AEBP2: variants seen among roughly 807,000 people sequenced by gnomAD.
The protein encoded by AEBP2 is AE binding protein 2, also known as zinc finger protein AEBP2.
AEBP2 carries 10 observed loss-of-function variants against 50.8 expected under a neutral mutation model. The ratio of observed to expected loss-of-function variants is 0.20; its 90% CI spans 0.12 to 0.33. The LOEUF (loss-of-function observed/expected upper bound fraction) is 0.33, where lower values mean the gene tolerates loss of function less well. Ranked by LOEUF, AEBP2 falls within the 10% of genes least tolerant of loss-of-function variation. AEBP2 has a pLI of 1.00. For missense variants in AEBP2, 570 were observed against 688.0 expected, an observed-to-expected ratio of 0.83 and a Z score of 1.92; for synonymous variants, 296 against 261.3, an observed-to-expected ratio of 1.13 and a Z score of -1.28.
chr12:19,510,372 G>A (rs985615056), intron 5 of AEBP2, among the ~76,000 whole-genome samples: 8 of 152,128 alleles, frequency 5.3e-5, no homozygotes, highest in African/African-American at 7.2e-5. Context: ...GAGGGGCAAC[G>A]CAGAAAAGGT....
intron 3 of AEBP2, among the ~76,000 whole-genome samples, chr12:19,488,568 C>T (rs1329836875): frequency 6.6e-6 from 1 of 151,948 alleles, no homozygotes; most frequent in African/African-American, 2.4e-5. Context: ...ATTTTTCTTC[C>T]TTTAGATCGC....
chr12:19,423,518 A>G (rs2095746934), intron 1 of AEBP2, among the ~76,000 whole-genome samples: 1 of 152,184 alleles, frequency 6.6e-6, no homozygotes, highest in Non-Finnish European at 1.5e-5. Flanking sequence ...CATTTGGAAT[A>G]ATCTGGGCTA....
chr12:19,501,353 A>G (rs1490888492), intron 5 of AEBP2, among the ~76,000 whole-genome samples: 1 of 151,070 alleles, frequency 6.6e-6, no homozygotes, highest in Non-Finnish European at 1.5e-5. Flanking sequence ...AAAAAAATAC[A>G]GCCAGGCTTC....
chr12:19,431,510 TA>T (rs1427029260), intron 1 of AEBP2, among the ~76,000 whole-genome samples: 10 of 152,236 alleles, frequency 6.6e-5, no homozygotes, highest in Admixed American at 6.5e-5. Context: ...CCTATCTTTT[TA>T]TCTGAAGTTT....
chr12:19,404,238 C>T (rs1038162656), intron 1 of AEBP2: 2 of 152,266 alleles, frequency 1.3e-5, no homozygotes, highest in Non-Finnish European at 2.9e-5. Context: ...AATGGCTTCC[C>T]TCTGTCCCTG....
intron 4 of AEBP2, among the ~76,000 whole-genome samples, chr12:19,499,436 A>G (rs1949033828): frequency 6.6e-6 from 1 of 152,116 alleles, no homozygotes; most frequent in South Asian, 2.1e-4. Flanking sequence ...AACATGGTGA[A>G]ACCCCAGCTC....
In AEBP2 at chr12:19,473,373, T is replaced by A; in HGVS notation, c.987+18T>A. On this transcript the variant is annotated intron_variant, in intron 3 of 7. Coordinates refer to ENST00000266508, the MANE Select transcript of AEBP2 (RefSeq NM_153207.5). ...CTTTCAAGGTAAGGATGCATGTATA[T>A]AAAATTTATTTATTTATTTATTTAT... is the stretch of plus-strand genomic sequence containing the variant. 1 of 749,492 alleles carries A rather than the reference T, an allele frequency of 1.3e-6. No homozygotes were observed. The highest frequency in any genetic ancestry group is 1.8e-6 in the Non-Finnish European group (1 of 545,856). The allele number at this position is 749,492 out of a possible 1,614,324, so 46.4% of individuals were successfully genotyped here. A position where few individuals can be genotyped will look rare whatever the true frequency, so the allele number is the denominator to read the frequency against.
intron 1 of AEBP2, among the ~76,000 whole-genome samples, chr12:19,444,829 G>T (rs1169187951): frequency 6.6e-6 from 1 of 152,130 alleles, no homozygotes; most frequent in African/African-American, 2.4e-5. Context: ...AATATCTTGG[G>T]TGTGGTGAAT....
intron 4 of AEBP2, among the ~76,000 whole-genome samples, chr12:19,498,893 C>T (rs1024050468): frequency 6.6e-6 from 1 of 151,978 alleles, no homozygotes; most frequent in Non-Finnish European, 1.5e-5. Context: ...TGCCTATAGT[C>T]CTAGCTACTC....
At chr12:19,517,442 C>G (rs910278037) in intron 7 of AEBP2, among the ~76,000 whole-genome samples, 5 of 152,082 alleles carry the variant, frequency 3.3e-5, no homozygotes, top group Admixed American at 6.6e-5. Flanking sequence ...TACAACAATA[C>G]AAAATAATAC....
At chr12:19,473,960 T>C (rs1332024642) in intron 3 of AEBP2, among the ~76,000 whole-genome samples, 2 of 152,166 alleles carry the variant, frequency 1.3e-5, no homozygotes, top group African/African-American at 4.8e-5. Context: ...GTTGGTTTTT[T>C]TTAATACCTT....
chr12:19,406,268 A>T (rs2095736233), intron 1 of AEBP2, among the ~76,000 whole-genome samples: 1 of 152,164 alleles, frequency 6.6e-6, no homozygotes, highest in Admixed American at 6.6e-5. Flanking sequence ...CCCAGCCTAC[A>T]TTGATACATC....
chr12:19,491,134 G>A (rs138509548), intron 3 of AEBP2, among the ~76,000 whole-genome samples: 12 of 152,284 alleles, frequency 7.9e-5, no homozygotes, highest in African/African-American at 2.9e-4. Context: ...CTGTGGCAAC[G>A]TGGTACTCTA....
chr12:19,441,853 G>C (rs755354114), intron 1 of AEBP2, among the ~76,000 whole-genome samples: 3 of 152,116 alleles, frequency 2.0e-5, no homozygotes, highest in Non-Finnish European at 4.4e-5. Flanking sequence ...GTTGACATTA[G>C]TTTATAAAAT....
chr12:19,479,452 C>T (rs1359715649), intron 3 of AEBP2, among the ~76,000 whole-genome samples: 1 of 152,094 alleles, frequency 6.6e-6, no homozygotes, highest in Non-Finnish European at 1.5e-5. Context: ...CAAAGAACAG[C>T]TGAGAAATTC....
At position 19,453,424 on chromosome 12, in the gene AEBP2, C is replaced by CTTT. The variant is rs112177656; in HGVS notation, c.672-9085_672-9083dup. ...TGAACCACTGTGCCTGACCTATATA[C>CTTT]TTTCTTTTTTTTTGAGAAGGAGTCT... On this transcript the variant is annotated intron_variant, in intron 1 of 7. Coordinates refer to ENST00000266508, the MANE Select transcript of AEBP2 (RefSeq NM_153207.5). 1.0e-3 allele frequency among the ~76,000 whole-genome samples: 151 copies of CTTT among 148,622 alleles called. 11 individuals are homozygous for CTTT. Among genetic ancestry groups the CTTT allele is most frequent in the South Asian group, 1.5e-3 (7 of 4,726 alleles).
chr12:19,430,426 T>C (rs1288611369), intron 1 of AEBP2, among the ~76,000 whole-genome samples: 1 of 152,206 alleles, frequency 6.6e-6, no homozygotes, highest in Non-Finnish European at 1.5e-5. Context: ...TCCAGCTTTG[T>C]TCCTTTGGCT....
chr12:19,465,952 C>T (rs1459799233), intron 2 of AEBP2, among the ~76,000 whole-genome samples: 2 of 151,610 alleles, frequency 1.3e-5, no homozygotes, highest in Non-Finnish European at 2.9e-5. Flanking sequence ...CCACCACGCC[C>T]AGCCAATTTT....
chr12:19,499,604 A>G (rs2120503477), intron 4 of AEBP2, among the ~76,000 whole-genome samples: 2 of 140,996 alleles, frequency 1.4e-5, no homozygotes, highest in Admixed American at 7.2e-5. Flanking sequence ...AAGGAGTGAG[A>G]CTCTGTCTCT....
Sources: allele counts gnomAD v4.1 joint callset (sites outside exome capture counted in the v4.1 genomes callset), GRCh38; gene constraint gnomAD v4.1.1; transcripts MANE v1.5; gene names NCBI Gene and HGNC (gene_info 2026-07-23, HGNC 2026-07-21).